The following QRICH1 variants were observed in gnomAD, a reference collection of about 807,000 sequenced individuals.
QRICH1 encodes the protein glutamine rich 1, also known as transcriptional regulator QRICH1.
In QRICH1, 16 loss-of-function variants were observed where a neutral mutation model predicts 87.1. The ratio of observed to expected loss-of-function variants is 0.18; its 90% CI spans 0.12 to 0.28. QRICH1 has a LOEUF of 0.28. QRICH1 is among the 10% of genes least tolerant of loss of function. The probability of loss-of-function intolerance (pLI) is 1.00; values close to 1 mark genes in which losing one functional copy is unlikely to be tolerated. For synonymous variants in QRICH1, 367 were observed against 368.4 expected (o/e 1.00, Z 0.05); for missense variants, 647 against 951.7 (o/e 0.68, Z 4.21).
chr3:49,050,248 C>CAAAAAAAAAAAAAAAAAAAAAAAAA (rs527597101), intron 3 of QRICH1, among the ~76,000 whole-genome samples: 8 of 52,414 alleles, frequency 1.5e-4, no homozygotes, highest in African/African-American at 3.9e-4. Flanking sequence ...GACTCCGTCT[C>CAAAAAAAAAAAAAAAAAAAAAAAAA]AAAAAAAAAA....
chr3:49,075,959 T>A (rs2041942554), intron 2 of QRICH1, among the ~76,000 whole-genome samples: 1 of 151,860 alleles, frequency 6.6e-6, no homozygotes, highest in African/African-American at 2.4e-5. Flanking sequence ...ACAACCCAGG[T>A]GTGGCCGGGT....
chr3:49,047,273 G>C, intron 3 of QRICH1, 27 bp from the exon 4 acceptor site: 1 of 1,587,038 alleles, frequency 6.3e-7, no homozygotes, highest in Non-Finnish European at 8.6e-7. Context: ...ATGAAAATGT[G>C]TCAATATTGT....
intron 3 of QRICH1, among the ~76,000 whole-genome samples, chr3:49,051,615 T>G (rs1185761304): frequency 9.8e-6 from 1 of 102,158 alleles, no homozygotes; most frequent in East Asian, 3.4e-4. Context: ...ATATACCTAG[T>G]GGGTACTATA....
intron 1 of QRICH1, among the ~76,000 whole-genome samples, chr3:49,083,039 T>C (rs1411376572): frequency 1.3e-5 from 2 of 151,304 alleles, no homozygotes; most frequent in Non-Finnish European, 2.9e-5. Flanking sequence ...AACCCCCGTC[T>C]CTACTAAAAA....
In QRICH1 at chr3:49,057,714, C is replaced by G. The variant is rs201304451; in HGVS notation, c.486G>C (p.Ser162=). Residue 162 remains serine, a synonymous_variant, in exon 3 of 10, where the codon TCG becomes TCC. Transcript: ENST00000395443. The surrounding 1 kb of genome is among the most constrained non-coding windows in gnomAD (Gnocchi z 5.4). ...CCTGGATCTGAGCTGCTTGCAGCTG[C>G]GAGGGACTGGGACTCTGCAGAGACG... The part of the protein sequence containing the change: ...QTPSLQSPSP[S]QLQAAQIQVQ... The G allele has an allele frequency of 1.2e-6, 2 of 1,614,098 alleles. No homozygotes were observed. Among genetic ancestry groups the G allele is most frequent in the South Asian group, 2.2e-5 (2 of 91,078 alleles).
chr3:49,082,019 G>A (rs2042071368), intron 1 of QRICH1, among the ~76,000 whole-genome samples: 1 of 152,162 alleles, frequency 6.6e-6, no homozygotes, highest in Admixed American at 6.6e-5. Context: ...TGTTGGCTAA[G>A]CTGGTCTCGA....
chr3:49,087,937 T>C (rs2042200703), intron 1 of QRICH1, among the ~76,000 whole-genome samples: 1 of 151,312 alleles, frequency 6.6e-6, no homozygotes, highest in Non-Finnish European at 1.5e-5. Flanking sequence ...CATGTGAATA[T>C]ATTCATTTTA....
intron 1 of QRICH1, among the ~76,000 whole-genome samples, chr3:49,082,314 C>G (rs1482659751): frequency 6.6e-6 from 1 of 152,150 alleles, no homozygotes; most frequent in Non-Finnish European, 1.5e-5. Context: ...TTTTAGAATA[C>G]ATTTCATACC....
chr3:49,059,120 C>T (rs2093420025), intron 2 of QRICH1, among the ~76,000 whole-genome samples: 2 of 151,620 alleles, frequency 1.3e-5, no homozygotes, highest in African/African-American at 2.4e-5. Flanking sequence ...TGCCACCACA[C>T]CCGGCTAATT....
chr3:49,087,699 C>T (rs1036587234), intron 1 of QRICH1, among the ~76,000 whole-genome samples: 1 of 149,938 alleles, frequency 6.7e-6, no homozygotes, highest in East Asian at 2.0e-4. Context: ...CATGGTGAAA[C>T]CCCATCTCTA....
intron 6 of QRICH1, among the ~76,000 whole-genome samples, chr3:49,038,223 G>C (rs1016400719): frequency 2.0e-5 from 3 of 151,514 alleles, no homozygotes; most frequent in African/African-American, 7.3e-5. Context: ...ACCACGCCCA[G>C]CTAATTTTTT....
intron 1 of QRICH1, among the ~76,000 whole-genome samples, chr3:49,087,735 G>A (rs1168309096): frequency 6.3e-5 from 9 of 141,810 alleles, no homozygotes; most frequent in African/African-American, 7.8e-5. Context: ...TTAGCCAGGC[G>A]GGGTACCATG....
Position 49,044,448 on chromosome 3 carries a change from C to G in QRICH1, c.1728G>C (p.Arg576=). ...GAACTTCATGTAGCCACTCCGTGAA[C>G]CGAACATAATAAAGATCGGAGAAAA... ...DDIFSDLYYV[R]FTEWLHEVLK... Residue 576 remains arginine, a synonymous_variant, in exon 6 of 10, where the codon CGG becomes CGC. Coordinates refer to ENST00000395443, the MANE Select transcript of QRICH1 (RefSeq NM_198880.3). 4 of 1,613,730 alleles carry G rather than the reference C, an allele frequency of 2.5e-6. No homozygotes were observed. Among genetic ancestry groups the G allele is most frequent in the Non-Finnish European group, 3.4e-6 (4 of 1,179,906 alleles).
intron 3 of QRICH1, among the ~76,000 whole-genome samples, chr3:49,051,500 G>A (rs1426494147): frequency 1.3e-5 from 2 of 151,142 alleles, no homozygotes; most frequent in African/African-American, 4.9e-5. Context: ...GTTCTCCCTG[G>A]TGAGTCTCAC....
chr3:49,042,568 G>T (rs1039871698), intron 6 of QRICH1, among the ~76,000 whole-genome samples: 14 of 151,938 alleles, frequency 9.2e-5, no homozygotes, highest in Non-Finnish European at 7.4e-5. Flanking sequence ...GGATAAACAG[G>T]TGAAAAGGTT....
intron 2 of QRICH1, among the ~76,000 whole-genome samples, chr3:49,065,168 C>T (rs1326581843): frequency 6.7e-6 from 1 of 149,572 alleles, no homozygotes; most frequent in Non-Finnish European, 1.5e-5. Flanking sequence ...TGGAGTCTCA[C>T]TCTGTTGCCC....
intron 1 of QRICH1, chr3:49,093,375 A>C (rs1401010012): frequency 6.6e-6 from 1 of 152,160 alleles, no homozygotes; most frequent in African/African-American, 2.4e-5. Context: ...GAGGCCACGG[A>C]TGCCCGGGAA....
At chr3:49,076,630 T>C in intron 2 of QRICH1, 79 bp downstream of exon 2, 7 of 1,285,010 alleles carry the variant, frequency 5.4e-6, no homozygotes, top group Non-Finnish European at 7.3e-6. Context: ...TCCACATAGA[T>C]GTGATGAGCC....
At chr3:49,048,126 CTTTCT>C (rs1292743299) in intron 3 of QRICH1, among the ~76,000 whole-genome samples, 22 of 111,392 alleles carry the variant, frequency 2.0e-4, no homozygotes, top group South Asian at 9.7e-4. Context: ...ACATTTCTTT[CTTTCT>C]TTTTTTTTTT....
Sources: gnomAD v4.1 joint callset for allele counts (sites outside exome capture counted in the v4.1 genomes callset) on GRCh38, gnomAD v4.1.1 for gene constraint, Gnocchi (gnomAD v3.1) non-coding constraint, MANE v1.5 for transcripts, NCBI Gene and HGNC (gene_info 2026-07-23, HGNC 2026-07-21) for gene names.